DHX37: variants seen among roughly 807,000 people sequenced by gnomAD.
DHX37 encodes the protein probable ATP-dependent RNA helicase DHX37.
In DHX37, 52 loss-of-function variants were observed where a neutral mutation model predicts 134.3. The observed-to-expected ratio is 0.39, with a 90% CI of 0.31 to 0.49. The LOEUF is 0.49. Among genes scored for constraint, DHX37 ranks in the 20% least tolerant of loss-of-function variants. The pLI is 0.93. For missense variants in DHX37, 1,344 were observed against 1,580.8 expected, an observed-to-expected ratio of 0.85 and a Z score of 2.54; for synonymous variants, 634 against 670.7, an observed-to-expected ratio of 0.95 and a Z score of 0.85.
chr12:124,950,867 T>C, intron 21 of DHX37, 63 bp from the exon 22 acceptor site: 1 of 1,501,836 alleles, frequency 6.7e-7, no homozygotes, highest in Non-Finnish European at 8.8e-7. Flanking sequence ...CCGCATACTT[T>C]CAACCCAGGA....
In DHX37 at chr12:124,954,203, G is replaced by A; in HGVS notation, c.2462C>T (p.Ala821Val). The change falls in exon 19 of 27, where the codon GCC (alanine) becomes GTC (valine). Residue 821 changes from alanine to valine, a missense_variant. Physicochemically the swap from Ala to Val is moderately conservative, Grantham distance 64. Coordinates refer to ENST00000308736, the MANE Select transcript of DHX37 (RefSeq NM_032656.4). ...ELFEELDRPA[A>V]SDEELTRLKS... is the part of the protein sequence containing the mutation. The stretch of plus-strand genomic sequence containing the variant: ...CAGCCTGGTGAGCTCCTCGTCACTG[G>A]CCGCTGGTCTGCAAACACACATACA... 6.3e-7 allele frequency: 1 copy of A among 1,596,332 alleles called. No homozygotes were observed. The highest frequency in any genetic ancestry group is 2.2e-5 in the East Asian group (1 of 44,828).
At chr12:124,988,634 A>T (rs1954919673) in intron 1 of DHX37, among the ~76,000 whole-genome samples, 1 of 152,046 alleles carries the variant, frequency 6.6e-6, no homozygotes, top group Non-Finnish European at 1.5e-5. Context: ...AGAGATTATA[A>T]TCGAAGTCAT....
At chr12:124,967,996 A>G (rs903062316) in intron 10 of DHX37, among the ~76,000 whole-genome samples, 1 of 151,966 alleles carries the variant, frequency 6.6e-6, no homozygotes, top group Non-Finnish European at 1.5e-5. Context: ...CAGGAGAATC[A>G]CTTGAACCCG....
In DHX37 at chr12:124,981,712, G is replaced by T. The variant is rs112507799; in HGVS notation, c.389+799C>A. 4.6e-4 allele frequency among the ~76,000 whole-genome samples: 70 copies of T among 151,560 alleles called. 2 individuals are homozygous for T. The highest frequency in any genetic ancestry group is 1.6e-3 in the African/African-American group (68 of 41,406). Reference sequence around the variant, plus strand: ...GGCCTCCCAAAGTGCTAGGATTACAGGTATGAGCCACGGCACCCTTCTGGC... The same window carrying T: ...GGCCTCCCAAAGTGCTAGGATTACATGTATGAGCCACGGCACCCTTCTGGC... On this transcript the variant is annotated intron_variant, in intron 3 of 26. Transcript: ENST00000308736.
At position 124,947,626 on chromosome 12, in the gene DHX37, C is replaced by T. The variant is rs1190346160; in HGVS notation, c.*176G>A. ...TCACCCCCGGGCCAGATGGCACGGG[C>T]GGCAGCACCCTTCATACGGGATCGA... is the stretch of plus-strand genomic sequence containing the variant. On this transcript the variant is annotated 3_prime_UTR_variant, in exon 27 of 27. Transcript: ENST00000308736. 1.5e-5 allele frequency: 12 copies of T among 774,906 alleles called. No homozygotes were observed. The highest frequency in any genetic ancestry group is 4.5e-5 in the South Asian group (2 of 44,802). 48.0% of individuals were successfully genotyped at this position (774,906 alleles called of 1,614,324 possible).
At chr12:124,981,845 C>T (rs185412728) in intron 3 of DHX37, among the ~76,000 whole-genome samples, 3 of 149,780 alleles carry the variant, frequency 2.0e-5, no homozygotes, top group Admixed American at 6.7e-5. Flanking sequence ...ACAAACCAGT[C>T]GGGCGCGGTG....
rs115759881 is a variant in DHX37 at position 124,955,427 on chromosome 12, A to C, written c.2454-1216T>G. ...CCAGAGAACCCTATTATTCTCCCCCAAGGGATTCTGACGAATAGCTGGGAT... is the reference window on the plus strand; with the variant it reads ...CCAGAGAACCCTATTATTCTCCCCCCAGGGATTCTGACGAATAGCTGGGAT... On this transcript the variant is annotated intron_variant, in intron 18 of 26. Transcript: ENST00000308736. Among the ~76,000 whole-genome samples, 1,351 of 152,274 alleles carry C rather than the reference A, an allele frequency of 8.9e-3. 13 individuals are homozygous for C. The highest frequency in any genetic ancestry group is 0.03 in the African/African-American group (1,234 of 41,548).
At chr12:124,968,502 G>C (rs1165429726) in intron 10 of DHX37, 32 bp downstream of exon 10, 7 of 1,607,666 alleles carry the variant, frequency 4.4e-6, no homozygotes, top group African/African-American at 1.3e-5. Flanking sequence ...AGGAAGGGAG[G>C]CTTCTTTCCC....
intron 11 of DHX37, 96 bp downstream of exon 11, chr12:124,967,027 A>G: frequency 2.6e-6 from 4 of 1,534,258 alleles, no homozygotes; most frequent in Non-Finnish European, 3.6e-6. Context: ...ATGCTTCCAG[A>G]GAGAAGCTCA....
chr12:124,952,324 C>G, intron 21 of DHX37, 74 bp downstream of exon 21: 3 of 1,474,760 alleles, frequency 2.0e-6, no homozygotes, highest in Non-Finnish European at 2.7e-6. Context: ...CTCCCCAGAC[C>G]CTGAGGGCCC....
chr12:124,963,333 T>C (rs1954306125), intron 15 of DHX37, among the ~76,000 whole-genome samples: 1 of 152,150 alleles, frequency 6.6e-6, no homozygotes, highest in Non-Finnish European at 1.5e-5. Flanking sequence ...ACTAGTGGAC[T>C]GATGCTTGCC....
At position 124,968,941 on chromosome 12, in the gene DHX37, T is replaced by C; in HGVS notation, c.1219A>G (p.Met407Val). Residue 407 changes from methionine (M) to valine (V), a missense_variant, in exon 9 of 27, where the codon ATG becomes GTG. By Grantham distance (21) the Met-to-Val change is conservative. This residue lies in a region of DHX37 where 289 missense variants were observed against 323.8 expected (regional missense o/e 0.89). Coordinates refer to ENST00000308736, the MANE Select transcript of DHX37 (RefSeq NM_032656.4). ...TCCTCCACCCGCAGCGTGGCCGACA[T>C]GATGAGCAGCTTGAGTGGCAGGTTC... ...KRNLPLKLLI[M>V]SATLRVEDFT... The C allele has an allele frequency of 6.2e-7, 1 of 1,614,062 alleles. No homozygotes were observed. The highest frequency in any genetic ancestry group is 8.5e-7 in the Non-Finnish European group (1 of 1,180,000).
Position 124,952,874 on chromosome 12 carries a change from T to C in DHX37, c.2696-304A>G, listed in dbSNP as rs1194705592. ...CCTCAGACTCAGTTCTGGTCCATGA[T>C]GTGAAGAAGGAAGTTGCGGCTGGAA... On this transcript the variant is annotated intron_variant, in intron 20 of 26. Transcript: ENST00000308736. 6 of 222,028 alleles carry C rather than the reference T, an allele frequency of 2.7e-5. No homozygotes were observed. In the East Asian group the frequency reaches 5.8e-4, roughly 21 times the overall value. 13.8% of individuals were successfully genotyped at this position (222,028 alleles called of 1,614,324 possible). A position where few individuals can be genotyped will look rare whatever the true frequency, so the allele number is the denominator to read the frequency against.
intron 3 of DHX37, among the ~76,000 whole-genome samples, chr12:124,981,483 G>A (rs1219145923): frequency 2.6e-5 from 4 of 152,178 alleles, no homozygotes; most frequent in Non-Finnish European, 5.9e-5. Flanking sequence ...CGCCCAGGAC[G>A]GAGTGCAGTG....
chr12:124,982,122 C>CAA (rs1224123465), intron 3 of DHX37, among the ~76,000 whole-genome samples: 5 of 117,456 alleles, frequency 4.3e-5, no homozygotes, highest in African/African-American at 6.2e-5. Context: ...GACTCTGTCT[C>CAA]AAAAAAAAAA....
At chr12:124,950,315 C>G (rs1049415083) in intron 23 of DHX37, 72 bp from the exon 24 acceptor site, 1 of 1,605,898 alleles carries the variant, frequency 6.2e-7, no homozygotes, top group African/African-American at 1.3e-5. Context: ...CTGCCCCACC[C>G]GAGACACACA....
intron 13 of DHX37, 38 bp downstream of exon 13, chr12:124,965,630 A>G: frequency 6.4e-7 from 1 of 1,567,026 alleles, no homozygotes; most frequent in Non-Finnish European, 8.7e-7. Context: ...CAGGGCAGAG[A>G]TAATGAACAT....
At position 124,980,531 on chromosome 12, in the gene DHX37, G is replaced by A. The variant is rs763137447; in HGVS notation, c.697C>T (p.Pro233Ser). 1 of 1,612,166 alleles carries A rather than the reference G, an allele frequency of 6.2e-7. No individual in the cohort carries two copies. The highest frequency in any genetic ancestry group is 1.7e-5 in the Admixed American group (1 of 59,648). The change falls in exon 4 of 27, where the codon CCC (proline) becomes TCC (serine). Residue 233 changes from proline to serine, a missense_variant. Coordinates refer to ENST00000308736, the MANE Select transcript of DHX37 (RefSeq NM_032656.4). This position sits in a 1 kb window ranked among gnomAD's most constrained non-coding sequence, Gnocchi z 5.3. ...APPLPRALAK[P>S]AVFIPVNRSP... ...CGGTTCACGGGGATGAAGACGGCGG[G>A]CTTAGCCAGGGCCCTGGGCAGTGGT...
At position 124,950,628 on chromosome 12, in the gene DHX37, C is replaced by T; in HGVS notation, c.2983+62G>A. 8 of 1,584,868 alleles carry T rather than the reference C, an allele frequency of 5.0e-6. No homozygotes were observed. The South Asian group carries it at 9.3e-5, about 18-fold the overall frequency. On this transcript the variant is annotated intron_variant, in intron 22 of 26. Coordinates refer to ENST00000308736, the MANE Select transcript of DHX37 (RefSeq NM_032656.4). ...GCTGCCATGCCTCTGCCCCAGGGTC[C>T]CAGCCACACCCCCATTAGCGTCACC...
Sources: allele counts gnomAD v4.1 joint callset (sites outside exome capture counted in the v4.1 genomes callset), GRCh38; gene constraint gnomAD v4.1.1; regional missense constraint gnomAD v4.1.1; non-coding constraint Gnocchi (gnomAD v3.1); transcripts MANE v1.5; gene names NCBI Gene and HGNC (gene_info 2026-07-23, HGNC 2026-07-21).